The following GALNTL6 variants were observed in gnomAD, a reference collection of about 807,000 sequenced individuals.
GALNTL6 encodes polypeptide N-acetylgalactosaminyltransferase like 6, also known as polypeptide N-acetylgalactosaminyltransferase-like 6.
GALNTL6 carries 46 observed loss-of-function variants against 73.7 expected under a neutral mutation model. The observed-to-expected ratio is 0.62, with a 90% CI of 0.49 to 0.80. The LOEUF (loss-of-function observed/expected upper bound fraction) is 0.80. Ranked by LOEUF, GALNTL6 falls within the 30% of genes least tolerant of loss-of-function variation. The pLI, the probability that GALNTL6 is intolerant of heterozygous loss-of-function variation, is 0.00. For synonymous variants in GALNTL6, 259 were observed against 263.7 expected (o/e 0.98, Z 0.17); for missense variants, 604 against 755.0 (o/e 0.80, Z 2.34).
chr4:172,378,339 C>T (rs1187730621), intron 5 of GALNTL6, among the ~76,000 whole-genome samples: 2 of 152,094 alleles, frequency 1.3e-5, no homozygotes, highest in African/African-American at 4.8e-5. Flanking sequence ...GCCTCTATTT[C>T]CATGTTCAGG....
At chr4:172,207,180 C>T (rs1736166509) in intron 2 of GALNTL6, among the ~76,000 whole-genome samples, 1 of 152,070 alleles carries the variant, frequency 6.6e-6, no homozygotes, top group South Asian at 2.1e-4. Context: ...CCAAATCATA[C>T]AGGGTCTCCT....
chr4:172,267,008 T>G (rs1026804183), intron 3 of GALNTL6, among the ~76,000 whole-genome samples: 2 of 152,114 alleles, frequency 1.3e-5, no homozygotes, highest in African/African-American at 4.8e-5. Flanking sequence ...TTAACAGTAC[T>G]CCAGTTAATT....
intron 7 of GALNTL6, among the ~76,000 whole-genome samples, chr4:172,861,376 C>A (rs915273219): frequency 6.7e-6 from 1 of 149,000 alleles, no homozygotes; most frequent in Non-Finnish European, 1.5e-5. Context: ...CATTTGAGCC[C>A]ATTTCAAAGC....
chr4:172,587,795 T>C (rs1198322278), intron 5 of GALNTL6, among the ~76,000 whole-genome samples: 2 of 152,172 alleles, frequency 1.3e-5, no homozygotes, highest in South Asian at 2.1e-4. Flanking sequence ...TGCAAGTGCA[T>C]GTGCAGAAGT....
At chr4:172,092,781 CT>C (rs1383916005) in intron 2 of GALNTL6, among the ~76,000 whole-genome samples, 2 of 150,800 alleles carry the variant, frequency 1.3e-5, no homozygotes, top group Admixed American at 1.3e-4. Flanking sequence ...ACACTTTTTA[CT>C]TTTATAATAT....
intron 2 of GALNTL6, among the ~76,000 whole-genome samples, chr4:172,210,294 T>C (rs1736280090): frequency 6.6e-6 from 1 of 152,108 alleles, no homozygotes; most frequent in Non-Finnish European, 1.5e-5. Flanking sequence ...GAAGCAGTAT[T>C]GATATAGTGT....
At chr4:172,861,318 CATGTGTGTGTGTGTGT>C (rs1744381435) in intron 7 of GALNTL6, among the ~76,000 whole-genome samples, 1 of 140,774 alleles carries the variant, frequency 7.1e-6, no homozygotes, top group African/African-American at 2.8e-5. Context: ...TTTTTGCTTA[CATGTGTGTGTGTGTGT>C]GTGTGTGTGT....
intron 7 of GALNTL6, among the ~76,000 whole-genome samples, chr4:172,849,975 T>C (rs781179351): frequency 3.7e-4 from 56 of 152,182 alleles, no homozygotes; most frequent in Non-Finnish European, 2.1e-4. Context: ...TGCGACCTCC[T>C]AAAGTCTTTC....
chr4:172,255,538 T>C (rs13152131), intron 3 of GALNTL6, among the ~76,000 whole-genome samples: 19,146 of 151,464 alleles, frequency 0.13, 1,309 homozygotes, highest in East Asian at 0.3. Flanking sequence ...ATAAGTATTA[T>C]CTCTTTTCTT....
chr4:172,176,986 G>T (rs1049096802), intron 2 of GALNTL6, among the ~76,000 whole-genome samples: 1 of 151,770 alleles, frequency 6.6e-6, no homozygotes, highest in Non-Finnish European at 1.5e-5. Context: ...GAAAGTTCTG[G>T]GTAAAATCTT....
intron 5 of GALNTL6, among the ~76,000 whole-genome samples, chr4:172,444,581 G>T (rs888500672): frequency 6.6e-6 from 1 of 152,088 alleles, no homozygotes; most frequent in Admixed American, 6.6e-5. Context: ...AATGAGAACA[G>T]TACCTTTGAT....
intron 2 of GALNTL6, among the ~76,000 whole-genome samples, chr4:172,201,036 A>T (rs1735933661): frequency 6.6e-6 from 1 of 152,194 alleles, no homozygotes; most frequent in African/African-American, 2.4e-5. Flanking sequence ...AAAAGTGCTC[A>T]CTTTATCTCA....
At chr4:172,038,866 T>G (rs1285804754) in intron 2 of GALNTL6, among the ~76,000 whole-genome samples, 1 of 152,178 alleles carries the variant, frequency 6.6e-6, no homozygotes, top group African/African-American at 2.4e-5. Flanking sequence ...TAAAATGGAT[T>G]CATAGAAGAA....
chr4:172,754,236 A>T (rs1449809990), intron 5 of GALNTL6, among the ~76,000 whole-genome samples: 1 of 152,186 alleles, frequency 6.6e-6, no homozygotes, highest in Admixed American at 6.5e-5. Flanking sequence ...AGTAGTATAC[A>T]CACATACATA....
chr4:172,574,450 ATAAAATAAAAATTTTATTTT>A (rs1330969612), intron 5 of GALNTL6, among the ~76,000 whole-genome samples: 1 of 150,822 alleles, frequency 6.6e-6, no homozygotes, highest in Non-Finnish European at 1.5e-5. Flanking sequence ...TATTTTATTT[ATAAAATAAAAATTTTATTTT>A]TAAAACCAAA....
intron 12 of GALNTL6, among the ~76,000 whole-genome samples, chr4:173,038,495 A>C (rs2126546345): frequency 6.6e-6 from 1 of 152,340 alleles, no homozygotes; most frequent in Non-Finnish European, 1.5e-5. Flanking sequence ...ACACGGGTGG[A>C]ATTAATGAAG....
intron 5 of GALNTL6, among the ~76,000 whole-genome samples, chr4:172,670,338 G>A (rs1439657221): frequency 6.6e-6 from 1 of 151,904 alleles, no homozygotes; most frequent in Non-Finnish European, 1.5e-5. Flanking sequence ...TTTAATAGTA[G>A]CCTTTCTGTT....
intron 2 of GALNTL6, among the ~76,000 whole-genome samples, chr4:172,227,980 CAG>C (rs1252404944): frequency 6.6e-6 from 1 of 152,088 alleles, no homozygotes; most frequent in Non-Finnish European, 1.5e-5. Flanking sequence ...TTATCTAAAT[CAG>C]TGTAGGAGAT....
intron 6 of GALNTL6, among the ~76,000 whole-genome samples, chr4:172,810,994 AGT>A (rs1327066955): frequency 5.5e-4 from 78 of 143,034 alleles, no homozygotes; most frequent in African/African-American, 1.9e-3. Flanking sequence ...AAAAAAAAAG[AGT>A]AAGAGAAACC....
Sources: gnomAD v4.1 joint callset for allele counts (sites outside exome capture counted in the v4.1 genomes callset) on GRCh38, gnomAD v4.1.1 for gene constraint, MANE v1.5 for transcripts, NCBI Gene and HGNC (gene_info 2026-07-23, HGNC 2026-07-21) for gene names.